Variants in RRP1 observed in about 807,000 individuals in gnomAD.
RRP1 encodes the protein ribosomal RNA processing protein 1 homolog A.
In RRP1, 37 loss-of-function variants were observed where a neutral mutation model predicts 54.6. That is an observed-to-expected ratio of 0.68 (90% CI 0.52 to 0.89). The LOEUF (loss-of-function observed/expected upper bound fraction) is 0.89, where lower values mean the gene tolerates loss of function less well. RRP1 is among the 40% of genes least tolerant of loss of function. The pLI, the probability that RRP1 is intolerant of heterozygous loss-of-function variation, is 0.00. For synonymous variants in RRP1, 262 were observed against 244.3 expected (o/e 1.07, Z -0.67); for missense variants, 639 against 612.5 (o/e 1.04, Z -0.46).
intron 5 of RRP1, among the ~76,000 whole-genome samples, chr21:43,795,742 G>A (rs147899657): frequency 2.0e-5 from 3 of 152,284 alleles, no homozygotes; most frequent in East Asian, 3.9e-4. Flanking sequence ...TGGTAGAGAC[G>A]AGTTCTGTCC....
At chr21:43,797,840 G>A (rs921307721) in intron 7 of RRP1, 67 bp from the exon 8 acceptor site, 1 of 1,575,538 alleles carries the variant, frequency 6.3e-7, no homozygotes, top group African/African-American at 1.3e-5. Context: ...TTGCAGGGGA[G>A]TCGGCGGCTT....
Position 43,789,609 on chromosome 21 carries a change from G to T in RRP1, c.-21G>T, listed in dbSNP as rs760052462. The stretch of plus-strand genomic sequence containing the variant: ...TGGGTACCAGGCGACTCCGGGACAG[G>T]GGGTCTCGGCCGTCGGCGTCATGGT... On this transcript the variant is annotated 5_prime_UTR_variant, in exon 1 of 13. Transcript: ENST00000497547. The T allele has an allele frequency of 1.9e-6, 3 of 1,585,216 alleles. No individual in the cohort carries two copies. Among genetic ancestry groups the T allele is most frequent in the Non-Finnish European group, 2.6e-6 (3 of 1,167,648 alleles).
chr21:43,789,812 G>A, intron 1 of RRP1, 50 bp downstream of exon 1: 2 of 1,443,560 alleles, frequency 1.4e-6, no homozygotes, highest in Non-Finnish European at 9.1e-7. Flanking sequence ...CTGGGCTGGT[G>A]CGGGTGTGGG....
In RRP1 at chr21:43,804,133, G is replaced by A; in HGVS notation, c.*359G>A. 4.1e-6 allele frequency: 1 copy of A among 242,306 alleles called. No homozygotes were observed. 15.0% of individuals were successfully genotyped at this position (242,306 alleles called of 1,614,324 possible). The stretch of plus-strand genomic sequence containing the variant: ...GTCGCTTCAGGTGTGTCCTACGGAC[G>A]TGTGGGAGGTGGCAGGCGCCAGCCT... On this transcript the variant is annotated 3_prime_UTR_variant, in exon 13 of 13. Transcript: ENST00000497547. The surrounding 1 kb of genome is among the most constrained non-coding windows in gnomAD (Gnocchi z 4.3).
chr21:43,793,485 G>A, intron 4 of RRP1, 81 bp downstream of exon 4: 1 of 1,239,934 alleles, frequency 8.1e-7, no homozygotes, highest in African/African-American at 1.5e-5. Flanking sequence ...CGGCACCTGG[G>A]CAGGGAGGCA....
intron 9 of RRP1, 119 bp downstream of exon 9, chr21:43,799,768 C>A: frequency 1.0e-6 from 1 of 957,432 alleles, no homozygotes; most frequent in Non-Finnish European, 1.6e-6. Flanking sequence ...TGGAGAGTTA[C>A]CCGGACAGGG....
At chr21:43,801,913 T>C (rs900430166) in intron 11 of RRP1, among the ~76,000 whole-genome samples, 3 of 152,086 alleles carry the variant, frequency 2.0e-5, no homozygotes, top group Admixed American at 2.0e-4. Context: ...CTCGTCGCAG[T>C]GTTTTCTGTT....
chr21:43,791,472 G>T, intron 2 of RRP1, 40 bp downstream of exon 2: 1 of 1,581,678 alleles, frequency 6.3e-7, no homozygotes, highest in South Asian at 1.1e-5. Context: ...AGAAGCAGCG[G>T]GGGAGGATGG....
At chr21:43,793,175 G>C (rs1250578558) in intron 3 of RRP1, 144 bp from the exon 4 acceptor site, 10 of 711,222 alleles carry the variant, frequency 1.4e-5, no homozygotes, top group Non-Finnish European at 2.4e-5. Flanking sequence ...GGTCCAGCAA[G>C]ATCCAGTTCT....
intron 5 of RRP1, 33 bp from the exon 6 acceptor site, chr21:43,797,389 G>C (rs748569570): frequency 1.3e-6 from 2 of 1,590,604 alleles, no homozygotes; most frequent in South Asian, 1.1e-5. Context: ...GCTCATCGAG[G>C]CTGCCTGTCA....
At position 43,793,368 on chromosome 21, in the gene RRP1, G is replaced by A. The variant is rs372965998; in HGVS notation, c.324G>A (p.Thr108=). 37 of 1,613,962 alleles carry A rather than the reference G, an allele frequency of 2.3e-5. No individual in the cohort carries two copies. In the South Asian group the frequency reaches 2.4e-4, roughly 11 times the overall value. ...AFWQTMNREW[T]GIDRLRLDKF... ...GGCAGACCATGAATCGCGAGTGGAC[G>A]GGCATTGACAGGCTGCGCCTGGATA... The change falls in exon 4 of 13, where the codon ACG becomes ACA. Residue 108 remains threonine, a synonymous_variant. Coordinates refer to ENST00000497547, the MANE Select transcript of RRP1 (RefSeq NM_003683.6).
intron 5 of RRP1, among the ~76,000 whole-genome samples, chr21:43,796,673 C>A (rs970990330): frequency 4.6e-5 from 7 of 152,186 alleles, no homozygotes; most frequent in Non-Finnish European, 7.3e-5. Flanking sequence ...TTTTCCTGAG[C>A]CTTAGAGAGC....
rs774030035 is a variant in RRP1 at position 43,791,411 on chromosome 21, G to A, written c.195G>A (p.Met65Ile). 50 of 1,613,830 alleles carry A rather than the reference G, an allele frequency of 3.1e-5. 1 individual carries two copies. The South Asian group carries it at 5.2e-4, about 17-fold the overall frequency. Residue 65 changes from methionine (M) to isoleucine (I), a missense_variant, in exon 2 of 13, where the codon ATG (methionine) becomes ATA (isoleucine). By Grantham distance (10) the Met-to-Ile change is conservative (BLOSUM62 1). Transcript: ENST00000497547. ...VWKGLFYCMW[M>I]QDKPLLQEEL... Reference sequence around the variant, plus strand: ...AAGGACTGTTTTATTGCATGTGGATGCAGGACAAGCCACTCCTCCAGGTGA... The same window carrying A: ...AAGGACTGTTTTATTGCATGTGGATACAGGACAAGCCACTCCTCCAGGTGA...
At chr21:43,797,237 G>A in intron 5 of RRP1, 185 bp from the exon 6 acceptor site, 1 of 932,154 alleles carries the variant, frequency 1.1e-6, no homozygotes, top group Non-Finnish European at 1.5e-6. Context: ...AGACTGCCTT[G>A]CGCTGGAGGA....
chr21:43,795,399 T>G (rs2123412187), intron 5 of RRP1, 149 bp downstream of exon 5: 1 of 756,612 alleles, frequency 1.3e-6, no homozygotes, highest in East Asian at 2.7e-5. Flanking sequence ...GTTTTTAAAG[T>G]AAAAATCAGT....
In RRP1 at chr21:43,793,369, G is replaced by A. The variant is rs1478379410; in HGVS notation, c.325G>A (p.Gly109Ser). The A allele has an allele frequency of 1.2e-6, 2 of 1,613,988 alleles. No homozygotes were observed. The highest frequency in any genetic ancestry group is 8.5e-7 in the Non-Finnish European group (1 of 1,180,034). ...FWQTMNREWT[G>S]IDRLRLDKFY... ...GCAGACCATGAATCGCGAGTGGACG[G>A]GCATTGACAGGCTGCGCCTGGATAA... Residue 109 changes from glycine (G) to serine (S), a missense_variant, in exon 4 of 13, where the codon GGC (glycine) becomes AGC (serine). Transcript: ENST00000497547.
In RRP1 at chr21:43,803,920, G is replaced by T; in HGVS notation, c.*146G>T. 1 of 993,788 alleles carries T rather than the reference G, an allele frequency of 1.0e-6. No homozygotes were observed. The allele number at this position is 993,788 out of a possible 1,614,324, so 61.6% of individuals were successfully genotyped here. On this transcript the variant is annotated 3_prime_UTR_variant, in exon 13 of 13. Transcript: ENST00000497547. ...GAGGGAAGGGCGGCACTGGAGAGATGGGCCCATCATTAGGGGCCAGCATCC... is the reference window on the plus strand; with the variant it reads ...GAGGGAAGGGCGGCACTGGAGAGATTGGCCCATCATTAGGGGCCAGCATCC...
chr21:43,791,439 G>T lies in RRP1; in HGVS notation c.216+7G>T, dbSNP rs201807546. On this transcript the variant is annotated splice_region_variant and intron_variant, in intron 2 of 12. Coordinates refer to ENST00000497547, the MANE Select transcript of RRP1 (RefSeq NM_003683.6). ...GGACAAGCCACTCCTCCAGGTGAGT[G>T]GGGGGAGCAGCAGAGCAGGTACAGA... is the stretch of plus-strand genomic sequence containing the variant. The T allele has an allele frequency of 8.6e-5, 139 of 1,612,522 alleles. No individual in the cohort carries two copies. In the Middle Eastern group the frequency reaches 1.3e-3, roughly 15 times the overall value.
rs1175123168 is a variant in RRP1, at chr21:43,798,581, C to G, written c.811+481C>G. Among the ~76,000 whole-genome samples the G allele has an allele frequency of 2.0e-5, 3 of 152,168 alleles. No individual in the cohort carries two copies. In the South Asian group the frequency reaches 6.2e-4, roughly 32 times the overall value. Reference sequence around the variant, plus strand: ...GCCCGTCTCCCCAGAGGACAGCAAGCTCTGTCCATATTGACCATGACTGGG... The same window carrying G: ...GCCCGTCTCCCCAGAGGACAGCAAGGTCTGTCCATATTGACCATGACTGGG... On this transcript the variant is annotated intron_variant, in intron 8 of 12. Transcript: ENST00000497547.
Sources: gnomAD v4.1 joint callset for allele counts (sites outside exome capture counted in the v4.1 genomes callset) on GRCh38, gnomAD v4.1.1 for gene constraint, Gnocchi (gnomAD v3.1) non-coding constraint, MANE v1.5 for transcripts, NCBI Gene and HGNC (gene_info 2026-07-23, HGNC 2026-07-21) for gene names.